SV2C: variants seen among roughly 807,000 people sequenced by gnomAD.
The protein encoded by SV2C is solute carrier family 22 member B3.
In SV2C, 49 loss-of-function variants were observed where a neutral mutation model predicts 79.7. That is an observed-to-expected ratio of 0.61 (90% CI 0.49 to 0.78). The LOEUF (loss-of-function observed/expected upper bound fraction) is 0.78, where lower values mean the gene tolerates loss of function less well. Ranked by LOEUF, SV2C falls within the 30% of genes least tolerant of loss-of-function variation. The pLI is 0.00. For missense variants in SV2C, 833 were observed against 912.9 expected, an observed-to-expected ratio of 0.91 and a Z score of 1.13; for synonymous variants, 334 against 333.2, an observed-to-expected ratio of 1.00 and a Z score of -0.03.
chr5:76,174,047 A>G (rs777717945), intron 2 of SV2C: 1 of 1,573,318 alleles, frequency 6.4e-7, no homozygotes. Context: ...TTGTGCATCT[A>G]CTTCAACTTG....
At chr5:76,263,023 C>T (rs551313519) in intron 4 of SV2C, among the ~76,000 whole-genome samples, 7 of 152,186 alleles carry the variant, frequency 4.6e-5, no homozygotes, top group Admixed American at 1.3e-4. Flanking sequence ...CTAATATTGG[C>T]GGTAGGGTGT....
At chr5:75,877,300 A>G in the SV2C span, among the ~76,000 whole-genome samples, 1 of 152,078 alleles carries the variant, frequency 6.6e-6, no homozygotes, top group African/African-American at 2.4e-5. Context: ...TGAAGCAAAT[A>G]AAGAGAGAAA....
chr5:76,225,830 G>C (rs949521323), intron 4 of SV2C, among the ~76,000 whole-genome samples: 2 of 152,168 alleles, frequency 1.3e-5, no homozygotes. Context: ...AACTGGGATT[G>C]AGCCTTCATT....
At chr5:75,906,383 A>C in the SV2C span, among the ~76,000 whole-genome samples, 1 of 151,932 alleles carries the variant, frequency 6.6e-6, no homozygotes, top group South Asian at 2.1e-4. Flanking sequence ...TGAAGAATGC[A>C]AAAGTTGATC....
At chr5:75,983,668 G>A in the SV2C span, among the ~76,000 whole-genome samples, 1 of 151,830 alleles carries the variant, frequency 6.6e-6, no homozygotes, top group African/African-American at 2.4e-5. Context: ...TAGAAGGCAT[G>A]TGAACAATGG....
At chr5:75,950,543 A>G in the SV2C span, among the ~76,000 whole-genome samples, 23 of 152,034 alleles carry the variant, frequency 1.5e-4, no homozygotes, top group Admixed American at 1.1e-3. Flanking sequence ...ACTTATTGTA[A>G]TGATACTACA....
the SV2C span, among the ~76,000 whole-genome samples, chr5:76,005,830 A>T: frequency 6.6e-6 from 1 of 152,164 alleles, no homozygotes; most frequent in Non-Finnish European, 1.5e-5. Flanking sequence ...ACCTGAAGGC[A>T]TTTTCATACT....
At chr5:75,999,758 T>G in the SV2C span, among the ~76,000 whole-genome samples, 2 of 152,004 alleles carry the variant, frequency 1.3e-5, no homozygotes, top group African/African-American at 4.8e-5. Flanking sequence ...TCCTCACAGT[T>G]CTGGAGGCTG....
the SV2C span, among the ~76,000 whole-genome samples, chr5:76,071,512 G>C: frequency 6.6e-6 from 1 of 152,166 alleles, no homozygotes; most frequent in Non-Finnish European, 1.5e-5. Flanking sequence ...TCAGGGAAGA[G>C]CTGTAGTCTA....
the SV2C span, among the ~76,000 whole-genome samples, chr5:75,972,437 G>A: frequency 3.3e-5 from 5 of 152,066 alleles, no homozygotes; most frequent in East Asian, 7.7e-4. Context: ...ATCTGACAAA[G>A]GGCTAATATC....
the SV2C span, among the ~76,000 whole-genome samples, chr5:75,898,818 T>C: frequency 6.6e-6 from 1 of 152,232 alleles, no homozygotes; most frequent in Non-Finnish European, 1.5e-5. Flanking sequence ...TGTTGAGAAA[T>C]TTATCCATTT....
At chr5:76,214,617 A>G (rs1347032398) in intron 4 of SV2C, among the ~76,000 whole-genome samples, 1 of 152,222 alleles carries the variant, frequency 6.6e-6, no homozygotes, top group Admixed American at 6.5e-5. Context: ...CTGTTTGAGT[A>G]GCATTGACAT....
At chr5:75,970,122 C>A in the SV2C span, among the ~76,000 whole-genome samples, 1,564 of 151,938 alleles carry the variant, frequency 0.01, 34 homozygotes, top group African/African-American at 0.033. Flanking sequence ...TCTTTGAAAC[C>A]AACGAGAACA....
chr5:75,946,603 A>G, the SV2C span, among the ~76,000 whole-genome samples: 873 of 152,222 alleles, frequency 5.7e-3, 6 homozygotes, highest in Admixed American at 0.01. Flanking sequence ...CACAGTGATA[A>G]CACTGTCAAA....
At chr5:75,956,159 A>G in the SV2C span, among the ~76,000 whole-genome samples, 2 of 143,596 alleles carry the variant, frequency 1.4e-5, no homozygotes, top group Admixed American at 7.0e-5. Context: ...ATGTCCAACA[A>G]TGATAGACTG....
the SV2C span, among the ~76,000 whole-genome samples, chr5:75,924,533 A>G: frequency 4.6e-5 from 7 of 152,236 alleles, no homozygotes; most frequent in African/African-American, 1.7e-4. Flanking sequence ...ATAAATGTCA[A>G]GCCCATGCCA....
chr5:76,209,094 C>G (rs934588625), intron 3 of SV2C, among the ~76,000 whole-genome samples: 1 of 152,192 alleles, frequency 6.6e-6, no homozygotes, highest in African/African-American at 2.4e-5. Flanking sequence ...ATCTAAACCA[C>G]CAGCTCCTTA....
chr5:76,149,102 G>A (rs1030439462), intron 2 of SV2C, among the ~76,000 whole-genome samples: 1 of 152,114 alleles, frequency 6.6e-6, no homozygotes, highest in Admixed American at 6.5e-5. Flanking sequence ...GACCACAGGA[G>A]GGAGGAGAGA....
At chr5:75,912,516 C>T in the SV2C span, among the ~76,000 whole-genome samples, 1 of 151,960 alleles carries the variant, frequency 6.6e-6, no homozygotes, top group Non-Finnish European at 1.5e-5. Flanking sequence ...GTTTTTTCTC[C>T]TTATTGAAAT....
Sources: allele counts gnomAD v4.1 joint callset (sites outside exome capture counted in the v4.1 genomes callset), GRCh38; gene constraint gnomAD v4.1.1; transcripts MANE v1.5; gene names NCBI Gene and HGNC (gene_info 2026-07-23, HGNC 2026-07-21).